MPP7: variants seen among roughly 807,000 people sequenced by gnomAD.
The protein encoded by MPP7 is MAGUK p55 scaffold protein 7.
Under a neutral mutation model 76.5 loss-of-function variants are expected in MPP7, and 60 were observed. The observed-to-expected ratio is 0.78, with a 90% confidence interval of 0.64 to 0.97. The LOEUF is 0.97. MPP7 is among the 50% of genes least tolerant of loss of function. MPP7 has a pLI of 0.00. For missense variants in MPP7, 641 were observed against 694.0 expected, an observed-to-expected ratio of 0.92 and a Z score of 0.86; for synonymous variants, 237 against 244.5, an observed-to-expected ratio of 0.97 and a Z score of 0.29.
At chr10:28,186,757 T>G (rs919909752) in intron 3 of MPP7, among the ~76,000 whole-genome samples, 2 of 152,172 alleles carry the variant, frequency 1.3e-5, no homozygotes, top group African/African-American at 4.8e-5. Flanking sequence ...GAATTGTAAA[T>G]ATACATTTCA....
intron 11 of MPP7, among the ~76,000 whole-genome samples, chr10:28,096,962 G>A (rs1588762664): frequency 1.3e-5 from 2 of 151,876 alleles, no homozygotes; most frequent in South Asian, 2.1e-4. Context: ...GGTGATTCTT[G>A]GTCTAAATTT....
At chr10:28,123,886 T>A (rs1834923142) in intron 8 of MPP7, 145 bp downstream of exon 8, 2 of 610,704 alleles carry the variant, frequency 3.3e-6, no homozygotes, top group Non-Finnish European at 2.9e-6. Flanking sequence ...GATTAAGATA[T>A]TTTCCAAGAA....
chr10:28,095,849 A>G (rs1395904949), intron 11 of MPP7, among the ~76,000 whole-genome samples: 2 of 152,206 alleles, frequency 1.3e-5, no homozygotes, highest in Admixed American at 1.3e-4. Context: ...TTTGCAATTT[A>G]TAATTGGCTC....
At chr10:28,232,650 T>G (rs547706924) in intron 2 of MPP7, among the ~76,000 whole-genome samples, 1 of 152,352 alleles carries the variant, frequency 6.6e-6, no homozygotes, top group African/African-American at 2.4e-5. Flanking sequence ...AAAAACTGCT[T>G]ATGGTGTAAT....
intron 1 of MPP7, among the ~76,000 whole-genome samples, chr10:28,279,499 C>A (rs914281689): frequency 2.0e-5 from 3 of 151,776 alleles, no homozygotes; most frequent in South Asian, 4.1e-4. Flanking sequence ...GAGGCCGAGG[C>A]GGGTGGATCA....
At chr10:28,100,555 T>A (rs187858416) in intron 11 of MPP7, among the ~76,000 whole-genome samples, 254 of 152,280 alleles carry the variant, frequency 1.7e-3, no homozygotes, top group South Asian at 5.8e-3. Flanking sequence ...ATGGATTATA[T>A]TAGCCAATTA....
chr10:28,274,078 T>A (rs1840412198), intron 1 of MPP7, among the ~76,000 whole-genome samples: 1 of 150,966 alleles, frequency 6.6e-6, no homozygotes, highest in South Asian at 2.1e-4. Context: ...TGATACCCCA[T>A]CTCTGTAAAA....
chr10:28,235,988 A>G (rs1220071877), intron 2 of MPP7, among the ~76,000 whole-genome samples: 1 of 152,258 alleles, frequency 6.6e-6, no homozygotes, highest in Non-Finnish European at 1.5e-5. Flanking sequence ...AGGAATGACC[A>G]TTAAACAAAT....
At chr10:28,082,591 G>C (rs180836684) in intron 12 of MPP7, among the ~76,000 whole-genome samples, 2 of 151,972 alleles carry the variant, frequency 1.3e-5, no homozygotes, top group Non-Finnish European at 2.9e-5. Flanking sequence ...CAAGTAGCTG[G>C]GACTACAGGC....
intron 12 of MPP7, among the ~76,000 whole-genome samples, chr10:28,073,975 T>C (rs1242632388): frequency 6.6e-6 from 1 of 151,962 alleles, no homozygotes; most frequent in East Asian, 1.9e-4. Context: ...TTCCACAGCA[T>C]CCTGTACATC....
intron 2 of MPP7, among the ~76,000 whole-genome samples, chr10:28,207,622 C>T (rs932970441): frequency 6.6e-6 from 1 of 151,684 alleles, no homozygotes; most frequent in African/African-American, 2.4e-5. Context: ...GAGGTAAAGG[C>T]TGCAGTGGTG....
intron 2 of MPP7, among the ~76,000 whole-genome samples, chr10:28,314,804 T>C (rs1841309389): frequency 6.6e-6 from 1 of 152,182 alleles, no homozygotes; most frequent in Admixed American, 6.5e-5. Context: ...GTTGCCAACA[T>C]TTCAAAATCA....
rs1254531938 is a variant in MPP7, at chr10:28,111,104, T to G, written c.952+8547A>C. 2.0e-5 allele frequency among the ~76,000 whole-genome samples: 3 copies of G among 152,102 alleles called. No individual in the cohort carries two copies. The East Asian group carries it at 5.8e-4, about 29-fold the overall frequency. ...ACTATGCAGGGTAACTTATTATACA[T>G]GTACCTTTAATTTCCTCTGAGAAGC... is the stretch of plus-strand genomic sequence containing the variant. On this transcript the variant is annotated intron_variant, in intron 11 of 16. Transcript: ENST00000683449.
At chr10:28,171,346 C>T (rs1836675104) in intron 3 of MPP7, among the ~76,000 whole-genome samples, 1 of 152,118 alleles carries the variant, frequency 6.6e-6, no homozygotes, top group Admixed American at 6.6e-5. Flanking sequence ...GAAAATTTTT[C>T]TCTCTGCCAC....
rs1436961706 is a variant in MPP7, at chr10:28,120,357, T to C, written c.724A>G (p.Asn242Asp). ...TTACATGGAATTGCCTTATCCTCATTAGGATTATAGTCAAAGAGGGCTTTG... is the reference window on the plus strand; with the variant it reads ...TTACATGGAATTGCCTTATCCTCATCAGGATTATAGTCAAAGAGGGCTTTG... The part of the protein sequence containing the change: ...FIKALFDYNP[N>D]EDKAIPCKEA... The change falls in exon 10 of 17, where the codon AAT becomes GAT. Residue 242 changes from asparagine to aspartate, a missense_variant. Coordinates refer to ENST00000683449, the MANE Select transcript of MPP7 (RefSeq NM_001318170.2). The C allele has an allele frequency of 1.2e-6, 2 of 1,613,518 alleles. No homozygotes were observed. Among genetic ancestry groups the C allele is most frequent in the Non-Finnish European group, 1.7e-6 (2 of 1,179,838 alleles).
chr10:28,287,690 T>A (rs1840820791), intron 1 of MPP7, among the ~76,000 whole-genome samples: 1 of 152,200 alleles, frequency 6.6e-6, no homozygotes, highest in East Asian at 1.9e-4. Flanking sequence ...TCAATAAAGC[T>A]GGAGGGGAAG....
intron 11 of MPP7, among the ~76,000 whole-genome samples, chr10:28,110,237 G>A (rs1031269778): frequency 2.0e-5 from 3 of 151,778 alleles, no homozygotes; most frequent in Non-Finnish European, 4.4e-5. Flanking sequence ...TTATAGGCAC[G>A]CACCACCACA....
intron 3 of MPP7, among the ~76,000 whole-genome samples, chr10:28,198,033 G>A (rs886538909): frequency 3.9e-5 from 6 of 152,106 alleles, no homozygotes; most frequent in Admixed American, 3.9e-4. Context: ...ATCATATGAG[G>A]AAAATTATCT....
intron 14 of MPP7, among the ~76,000 whole-genome samples, 177 bp from the exon 15 acceptor site, chr10:28,058,780 A>G (rs1367803883): frequency 6.6e-6 from 1 of 152,224 alleles, no homozygotes; most frequent in Non-Finnish European, 1.5e-5. Flanking sequence ...ATCTTTTATT[A>G]TACATTTTCA....
Sources: gnomAD v4.1 joint callset for allele counts (sites outside exome capture counted in the v4.1 genomes callset) on GRCh38, gnomAD v4.1.1 for gene constraint, MANE v1.5 for transcripts, NCBI Gene and HGNC (gene_info 2026-07-23, HGNC 2026-07-21) for gene names.